The following NALF1 variants were observed in gnomAD, a reference collection of about 807,000 sequenced individuals.
NALF1 encodes the protein family with sequence similarity 155 member A.
A neutral mutation model predicts 48.4 loss-of-function variants in NALF1; 3 were observed. The ratio of observed to expected loss-of-function variants is 0.06; its 90% confidence interval spans 0.03 to 0.16. The LOEUF is 0.16. Ranked by LOEUF, NALF1 falls within the 10% of genes least tolerant of loss-of-function variation. NALF1 has a pLI of 1.00. For synonymous variants in NALF1, 262 were observed against 245.7 expected, an observed-to-expected ratio of 1.07 and a Z score of -0.62; for missense variants, 526 against 571.5, an observed-to-expected ratio of 0.92 and a Z score of 0.81.
chr13:107,225,142 G>A (rs1440233716), intron 1 of NALF1, among the ~76,000 whole-genome samples: 1 of 152,092 alleles, frequency 6.6e-6, no homozygotes, highest in African/African-American at 2.4e-5. Flanking sequence ...CCAAGTAGCT[G>A]GGATTACAGG....
intron 1 of NALF1, among the ~76,000 whole-genome samples, chr13:107,473,275 T>A (rs1193657086): frequency 6.6e-6 from 1 of 152,154 alleles, no homozygotes; most frequent in African/African-American, 2.4e-5. Flanking sequence ...TTACTCATCA[T>A]CTCTAACATT....
At chr13:107,740,559 A>T (rs144303893) in intron 1 of NALF1, among the ~76,000 whole-genome samples, 2 of 152,360 alleles carry the variant, frequency 1.3e-5, no homozygotes, top group East Asian at 3.8e-4. Context: ...TTTCAGACTC[A>T]CAGGCAAAGG....
Position 107,852,570 on chromosome 13 carries a change from A to G in NALF1, c.915+13112T>C, listed in dbSNP as rs561941315. Among the ~76,000 whole-genome samples, 7 of 152,306 alleles carry G rather than the reference A, an allele frequency of 4.6e-5. No individual in the cohort carries two copies. The South Asian group carries it at 1.5e-3, about 32-fold the overall frequency. ...GACAATGATCATATCCTTTGCACAAAGTCACTGTGATCATTTCGAGGAAAT... is the reference window on the plus strand; with the variant it reads ...GACAATGATCATATCCTTTGCACAAGGTCACTGTGATCATTTCGAGGAAAT... On this transcript the variant is annotated intron_variant, in intron 1 of 2. Coordinates refer to ENST00000375915, the MANE Select transcript of NALF1 (RefSeq NM_001080396.3).
chr13:107,664,231 TCACATATACAAAATCTGTC>T (rs1187739381), intron 1 of NALF1, among the ~76,000 whole-genome samples: 1 of 152,192 alleles, frequency 6.6e-6, no homozygotes, highest in East Asian at 1.9e-4. Context: ...CTTCTTTCTT[TCACATATACAAAATCTGTC>T]CACTTATCTA....
chr13:107,749,564 A>T (rs1401392491), intron 1 of NALF1, among the ~76,000 whole-genome samples: 2 of 151,942 alleles, frequency 1.3e-5, no homozygotes, highest in Admixed American at 6.6e-5. Flanking sequence ...ACTATCCTTG[A>T]GATATTTTAC....
chr13:107,538,947 TCATCCATC>T (rs556241534), intron 1 of NALF1, among the ~76,000 whole-genome samples: 3 of 152,016 alleles, frequency 2.0e-5, no homozygotes, highest in Non-Finnish European at 4.4e-5. Context: ...ATAATTATGA[TCATCCATC>T]CATCCATCCA....
At chr13:107,828,600 TATCTATACAC>T (rs767527413) in intron 1 of NALF1, among the ~76,000 whole-genome samples, 37,486 of 100,670 alleles carry the variant, frequency 0.37, 6,772 homozygotes, top group Non-Finnish European at 0.48. Flanking sequence ...TCTATATCTA[TATCTATACAC>T]ACACACACAC....
intron 1 of NALF1, among the ~76,000 whole-genome samples, chr13:107,407,440 G>A (rs116044869): frequency 2.0e-5 from 3 of 151,880 alleles, no homozygotes; most frequent in East Asian, 3.9e-4. Context: ...ATTTTAAAAC[G>A]GGCAAAAGAT....
chr13:107,819,063 T>C (rs1204872054), intron 1 of NALF1, among the ~76,000 whole-genome samples: 3 of 152,156 alleles, frequency 2.0e-5, no homozygotes, highest in East Asian at 1.9e-4. Context: ...CTCTTACAGA[T>C]GCATACTCCC....
chr13:107,496,015 G>T (rs1259201944), intron 1 of NALF1, among the ~76,000 whole-genome samples: 2 of 151,998 alleles, frequency 1.3e-5, no homozygotes, highest in African/African-American at 4.8e-5. Context: ...ATATATTTTT[G>T]AAACATCACT....
intron 1 of NALF1, among the ~76,000 whole-genome samples, chr13:107,397,798 TA>T (rs972920044): frequency 6.6e-6 from 1 of 151,832 alleles, no homozygotes; most frequent in African/African-American, 2.4e-5. Flanking sequence ...AGGAGGGGAA[TA>T]AAAAAAATTA....
chr13:107,772,730 G>A (rs968854807), intron 1 of NALF1, among the ~76,000 whole-genome samples: 1 of 152,114 alleles, frequency 6.6e-6, no homozygotes, highest in African/African-American at 2.4e-5. Context: ...CTTGGGTCAC[G>A]GCCTTGACTA....
chr13:107,578,201 C>T (rs1180850561), intron 1 of NALF1, among the ~76,000 whole-genome samples: 1 of 152,184 alleles, frequency 6.6e-6, no homozygotes, highest in East Asian at 1.9e-4. Context: ...ACATGTTCTT[C>T]CACCTTTTCT....
At chr13:107,288,947 G>T (rs565724824) in intron 1 of NALF1, among the ~76,000 whole-genome samples, 1 of 152,126 alleles carries the variant, frequency 6.6e-6, no homozygotes, top group Non-Finnish European at 1.5e-5. Context: ...AGTTAAAATA[G>T]TAAGTCCATC....
At chr13:107,375,922 A>G (rs1883327188) in intron 1 of NALF1, among the ~76,000 whole-genome samples, 1 of 151,546 alleles carries the variant, frequency 6.6e-6, no homozygotes, top group Non-Finnish European at 1.5e-5. Context: ...GCAACCTGCT[A>G]TACACACACA....
At chr13:107,744,339 T>C (rs541816582) in intron 1 of NALF1, among the ~76,000 whole-genome samples, 1 of 152,258 alleles carries the variant, frequency 6.6e-6, no homozygotes, top group Non-Finnish European at 1.5e-5. Context: ...ATTTTAAGTG[T>C]ACAAATAATC....
chr13:107,746,210 C>T (rs78871025), intron 1 of NALF1, among the ~76,000 whole-genome samples: 5,999 of 152,228 alleles, frequency 0.039, 301 homozygotes, highest in African/African-American at 0.11. Flanking sequence ...AAGAAGGACA[C>T]GTTGGCTTCC....
At chr13:107,707,457 A>G (rs920181150) in intron 1 of NALF1, among the ~76,000 whole-genome samples, 2 of 152,096 alleles carry the variant, frequency 1.3e-5, no homozygotes, top group Non-Finnish European at 2.9e-5. Flanking sequence ...GCAGACCCCA[A>G]CCCTTGGAAC....
chr13:107,736,830 ACAG>A (rs1876480883), intron 1 of NALF1, among the ~76,000 whole-genome samples: 2 of 152,228 alleles, frequency 1.3e-5, no homozygotes, highest in African/African-American at 4.8e-5. Flanking sequence ...GCTGAAGTAG[ACAG>A]CAGCAGCCTC....
Sources: gnomAD v4.1 joint callset for allele counts (sites outside exome capture counted in the v4.1 genomes callset) on GRCh38, gnomAD v4.1.1 for gene constraint, MANE v1.5 for transcripts, NCBI Gene and HGNC (gene_info 2026-07-23, HGNC 2026-07-21) for gene names.